MAML2: variants seen among roughly 807,000 people sequenced by gnomAD.
MAML2 encodes the protein mastermind like transcriptional coactivator 2.
Under a neutral mutation model 96.1 loss-of-function variants are expected in MAML2, and 22 were observed. The ratio of observed to expected loss-of-function variants is 0.23; its 90% CI spans 0.16 to 0.33. The LOEUF is 0.33. MAML2 is among the 10% of genes least tolerant of loss of function. MAML2 has a pLI of 1.00. For missense variants in MAML2, 1,367 were observed against 1,392.4 expected, an observed-to-expected ratio of 0.98 and a Z score of 0.29; for synonymous variants, 561 against 521.3, an observed-to-expected ratio of 1.08 and a Z score of -1.04.
intron 1 of MAML2, among the ~76,000 whole-genome samples, chr11:96,182,631 C>T (rs775257649): frequency 2.0e-5 from 3 of 152,108 alleles, no homozygotes; most frequent in Admixed American, 6.5e-5. Flanking sequence ...CATAATAATG[C>T]CATCATGTGT....
intron 1 of MAML2, among the ~76,000 whole-genome samples, chr11:96,295,976 ACACG>A (rs1863293110): frequency 6.7e-6 from 1 of 149,950 alleles, no homozygotes; most frequent in Non-Finnish European, 1.5e-5. Context: ...ACACACACAC[ACACG>A]AAACTAATGT....
chr11:96,112,626 C>G (rs1860148697), intron 1 of MAML2, among the ~76,000 whole-genome samples: 1 of 152,248 alleles, frequency 6.6e-6, no homozygotes, highest in Admixed American at 6.5e-5. Flanking sequence ...TCCCTCCCCT[C>G]TGATTCTACT....
In MAML2 at chr11:96,100,530, G is replaced by C. The variant is rs180721184; in HGVS notation, c.514-7013C>G. ...TCACCATGTTGGTCAGGCTGGTCTT[G>C]AACTCCCGACCTCAAGTGATCTGCC... On this transcript the variant is annotated intron_variant, in intron 1 of 4. Transcript: ENST00000524717. Among the ~76,000 whole-genome samples, 329 of 152,004 alleles carry C rather than the reference G, an allele frequency of 2.2e-3. 2 individuals carry two copies. The highest frequency in any genetic ancestry group is 5.6e-3 in the African/African-American group (232 of 41,476).
intron 1 of MAML2, among the ~76,000 whole-genome samples, chr11:96,170,968 G>A (rs1012446805): frequency 5.3e-5 from 8 of 151,838 alleles, no homozygotes; most frequent in African/African-American, 9.7e-5. Flanking sequence ...CGCCCGCCTC[G>A]GCCTCCCAAA....
At chr11:96,255,864 C>A (rs982692575) in intron 1 of MAML2, among the ~76,000 whole-genome samples, 1 of 134,726 alleles carries the variant, frequency 7.4e-6, no homozygotes, top group African/African-American at 2.7e-5. Context: ...CCCCCCACCG[C>A]CTTTTTTTTT....
intron 1 of MAML2, among the ~76,000 whole-genome samples, chr11:96,097,957 C>T (rs1158380611): frequency 2.0e-5 from 3 of 152,194 alleles, no homozygotes; most frequent in Admixed American, 6.5e-5. Flanking sequence ...AGACATGTCT[C>T]GTTCCAAAGT....
chr11:96,082,592 A>T (rs527284996), intron 2 of MAML2, among the ~76,000 whole-genome samples: 5 of 152,186 alleles, frequency 3.3e-5, no homozygotes, highest in Non-Finnish European at 7.4e-5. Context: ...GCCCCAGGAA[A>T]TGATTGTATC....
chr11:96,255,730 C>G lies in MAML2; in HGVS notation c.513+85653G>C, dbSNP rs1042715214. Among the ~76,000 whole-genome samples, 6 of 152,242 alleles carry G rather than the reference C, an allele frequency of 3.9e-5. No homozygotes were observed. The East Asian group carries it at 1.2e-3, about 29-fold the overall frequency. On this transcript the variant is annotated intron_variant, in intron 1 of 4. Transcript: ENST00000524717. The stretch of plus-strand genomic sequence containing the variant: ...TCCAGATGAGGGAATGACAAAGCCA[C>G]AGGCTACGAATGCAGAGCAGAAGAC...
intron 2 of MAML2, among the ~76,000 whole-genome samples, chr11:96,031,289 TTCATTGAA>T (rs1411456991): frequency 6.6e-6 from 1 of 152,178 alleles, no homozygotes; most frequent in African/African-American, 2.4e-5. Context: ...ACACATTTAT[TTCATTGAA>T]TCCTATGAGC....
intron 1 of MAML2, among the ~76,000 whole-genome samples, chr11:96,315,794 C>G (rs562669675): frequency 4.4e-4 from 67 of 152,314 alleles, no homozygotes; most frequent in African/African-American, 1.4e-3. Flanking sequence ...AGTCCCTGCA[C>G]AGAGGAGCTG....
intron 1 of MAML2, among the ~76,000 whole-genome samples, chr11:96,334,409 G>A (rs777122159): frequency 2.6e-5 from 4 of 152,122 alleles, no homozygotes; most frequent in Admixed American, 2.0e-4. Flanking sequence ...TTTCACAGTC[G>A]AGAAAACTGA....
At chr11:96,149,829 C>T (rs1233827490) in intron 1 of MAML2, among the ~76,000 whole-genome samples, 1 of 151,988 alleles carries the variant, frequency 6.6e-6, no homozygotes. Flanking sequence ...TTCTCTCGGT[C>T]TCCTTCTCCT....
chr11:96,088,373 T>C (rs1409444732), intron 2 of MAML2, among the ~76,000 whole-genome samples: 1 of 152,220 alleles, frequency 6.6e-6, no homozygotes, highest in African/African-American at 2.4e-5. Flanking sequence ...AAGTGACTGA[T>C]TATATAGCTC....
Position 96,342,003 on chromosome 11 carries a change from G to T in MAML2, c.-108C>A. The T allele has an allele frequency of 1.8e-6, 2 of 1,135,856 alleles. No individual in the cohort carries two copies. The highest frequency in any genetic ancestry group is 1.6e-5 in the African/African-American group (1 of 63,922). 70.4% of individuals were successfully genotyped at this position (1,135,856 alleles called of 1,614,324 possible). Reference sequence around the variant, plus strand: ...TGACAATGTGAGCTCAGTGTTCAGGGCCACATGAATAGAGGTCTTCAGAGG... The same window carrying T: ...TGACAATGTGAGCTCAGTGTTCAGGTCCACATGAATAGAGGTCTTCAGAGG... On this transcript the variant is annotated 5_prime_UTR_variant, in exon 1 of 5. Coordinates refer to ENST00000524717, the MANE Select transcript of MAML2 (RefSeq NM_032427.4).
At chr11:96,189,897 A>G (rs1371821014) in intron 1 of MAML2, among the ~76,000 whole-genome samples, 1 of 152,190 alleles carries the variant, frequency 6.6e-6, no homozygotes, top group Non-Finnish European at 1.5e-5. Context: ...GACTAAAAGA[A>G]TTTTTCTTCT....
At chr11:96,161,550 G>T (rs1245333613) in intron 1 of MAML2, among the ~76,000 whole-genome samples, 1 of 152,146 alleles carries the variant, frequency 6.6e-6, no homozygotes, top group Non-Finnish European at 1.5e-5. Flanking sequence ...GGGATGTGCA[G>T]CTGACCCTCC....
chr11:96,210,702 C>G (rs1480465405), intron 1 of MAML2, among the ~76,000 whole-genome samples: 37 of 152,126 alleles, frequency 2.4e-4, no homozygotes, highest in Non-Finnish European at 5.9e-5. Context: ...CTTAGCACAG[C>G]ACCTAGCATA....
chr11:96,172,862 G>A (rs1861319199), intron 1 of MAML2, among the ~76,000 whole-genome samples: 3 of 152,198 alleles, frequency 2.0e-5, no homozygotes, highest in Admixed American at 2.0e-4. Context: ...CATGTGTACA[G>A]ATGGAAAAAC....
chr11:96,292,504 C>T (rs1025157656), intron 1 of MAML2, among the ~76,000 whole-genome samples: 1 of 152,156 alleles, frequency 6.6e-6, no homozygotes, highest in African/African-American at 2.4e-5. Flanking sequence ...GAAGTTAATT[C>T]ATCTTGCCCA....
Sources: allele counts gnomAD v4.1 joint callset (sites outside exome capture counted in the v4.1 genomes callset), GRCh38; gene constraint gnomAD v4.1.1; transcripts MANE v1.5; gene names NCBI Gene and HGNC (gene_info 2026-07-23, HGNC 2026-07-21).